Variants in GYS2 observed in about 807,000 individuals in gnomAD.
The protein encoded by GYS2 is glycogen synthase 2.
A neutral mutation model predicts 85.6 loss-of-function variants in GYS2; 80 were observed. The observed-to-expected ratio is 0.93, with a 90% CI of 0.78 to 1.13. GYS2 has a LOEUF of 1.13. Among genes scored for constraint, GYS2 ranks in the 50% most tolerant of loss-of-function variants. The probability of loss-of-function intolerance (pLI) is 0.00; values close to 1 mark genes in which losing one functional copy is unlikely to be tolerated. For missense variants in GYS2, 881 were observed against 854.9 expected (o/e 1.03, Z -0.38); for synonymous variants, 328 against 300.7 (o/e 1.09, Z -0.94).
At chr12:21,573,258 A>G (rs1944406686) in intron 4 of GYS2, among the ~76,000 whole-genome samples, 1 of 152,168 alleles carries the variant, frequency 6.6e-6, no homozygotes, top group Non-Finnish European at 1.5e-5. Context: ...ATTCTATTTT[A>G]TAGAATCCTA....
intron 1 of GYS2, among the ~76,000 whole-genome samples, chr12:21,584,938 T>A (rs1205109075): frequency 1.3e-5 from 2 of 152,222 alleles, no homozygotes; most frequent in African/African-American, 4.8e-5. Flanking sequence ...ATCCCTATCA[T>A]CCTGAAGCAG....
At chr12:21,547,849 G>T (rs1415652955) in intron 11 of GYS2, among the ~76,000 whole-genome samples, 1 of 152,096 alleles carries the variant, frequency 6.6e-6, no homozygotes, top group East Asian at 1.9e-4. Flanking sequence ...GTCTATGCAT[G>T]GGAAGGGCCA....
intron 1 of GYS2, among the ~76,000 whole-genome samples, chr12:21,597,762 A>G (rs1030287513): frequency 2.6e-5 from 4 of 152,192 alleles, no homozygotes; most frequent in Admixed American, 2.0e-4. Context: ...TGTTTATTGC[A>G]GCACGATTCA....
chr12:21,534,597 A>C (rs1432923527), downstream of GYS2, among the ~76,000 whole-genome samples: 1 of 151,954 alleles, frequency 6.6e-6, no homozygotes, highest in Non-Finnish European at 1.5e-5. Flanking sequence ...GGAAAGAAAG[A>C]AAAAAGAGAG....
chr12:21,602,487 A>G (rs1783338587), intron 1 of GYS2, among the ~76,000 whole-genome samples: 1 of 152,086 alleles, frequency 6.6e-6, no homozygotes, highest in African/African-American at 2.4e-5. Flanking sequence ...ATTATTAGGA[A>G]TAAACACAAT....
chr12:21,587,822 C>G (rs1283124660), intron 1 of GYS2, among the ~76,000 whole-genome samples: 1 of 151,870 alleles, frequency 6.6e-6, no homozygotes, highest in East Asian at 1.9e-4. Context: ...AGAAATTGGG[C>G]AAATGGATGT....
chr12:21,546,446 A>G lies in GYS2; in HGVS notation c.1447T>C (p.Ser483Pro), dbSNP rs121918424. Residue 483 changes from serine to proline, a missense_variant, in exon 12 of 16, where the codon TCC becomes CCC. Coordinates refer to ENST00000261195, the MANE Select transcript of GYS2 (RefSeq NM_021957.4). The stretch of plus-strand genomic sequence containing the variant: ...ATGGGTAGTAAGGGACTGGTGGAGG[A>G]TAGAAACTCTGGGTGCAAAATCACC... ...VKVILHPEFL[S>P]STSPLLPMDY... 1 of 1,601,060 alleles carries G rather than the reference A, an allele frequency of 6.2e-7. No individual in the cohort carries two copies. The highest frequency in any genetic ancestry group is 8.5e-7 in the Non-Finnish European group (1 of 1,169,608).
intron 11 of GYS2, among the ~76,000 whole-genome samples, chr12:21,550,062 C>T (rs1944087800): frequency 6.6e-6 from 1 of 152,032 alleles, no homozygotes; most frequent in Non-Finnish European, 1.5e-5. Flanking sequence ...CCAGTGGGAG[C>T]TCCTTCAAGT....
chr12:21,553,445 T>C (rs1944137400), intron 11 of GYS2, among the ~76,000 whole-genome samples: 1 of 152,252 alleles, frequency 6.6e-6, no homozygotes, highest in Non-Finnish European at 1.5e-5. Flanking sequence ...GAATCTTGAC[T>C]GACAGCACCA....
intron 11 of GYS2, among the ~76,000 whole-genome samples, chr12:21,557,966 G>A (rs1158456722): frequency 2.6e-5 from 4 of 152,042 alleles, no homozygotes; most frequent in African/African-American, 7.3e-5. Flanking sequence ...ATTGTACAGT[G>A]GAAATAAATG....
At chr12:21,559,371 C>G (rs1021314924) in intron 9 of GYS2, among the ~76,000 whole-genome samples, 1 of 152,074 alleles carries the variant, frequency 6.6e-6, no homozygotes, top group African/African-American at 2.4e-5. Flanking sequence ...GAATTAAAAT[C>G]TCATGAAGTC....
chr12:21,552,959 T>A (rs1317688685), intron 11 of GYS2, among the ~76,000 whole-genome samples: 3 of 152,212 alleles, frequency 2.0e-5, no homozygotes, highest in African/African-American at 7.2e-5. Context: ...AATAATGAGT[T>A]CCCATCATGT....
intron 1 of GYS2, among the ~76,000 whole-genome samples, chr12:21,601,257 C>G (rs887922932): frequency 2.0e-5 from 3 of 152,068 alleles, no homozygotes; most frequent in African/African-American, 7.2e-5. Flanking sequence ...CCCTCCTCTC[C>G]TCTCCCTCAA....
intron 15 of GYS2, among the ~76,000 whole-genome samples, chr12:21,537,784 C>G (rs1242452112): frequency 6.6e-6 from 1 of 152,034 alleles, no homozygotes; most frequent in Non-Finnish European, 1.5e-5. Context: ...TTAATTTGCC[C>G]TTCTACTTGA....
In GYS2 at chr12:21,580,511, T is replaced by A. The variant is rs780740780; in HGVS notation, c.134A>T (p.Tyr45Phe). The A allele has an allele frequency of 6.2e-7, 1 of 1,612,736 alleles. No individual in the cohort carries two copies. The highest frequency in any genetic ancestry group is 8.5e-7 in the Non-Finnish European group (1 of 1,179,000). ...TTTGGCCTTTGTCTGAATCACAGTA[T>A]AGATGCCTCCAACTGTTAAAAGGAA... is the stretch of plus-strand genomic sequence containing the variant. ...WEVTNKVGGI[Y>F]TVIQTKAKTT... Residue 45 changes from tyrosine (Y) to phenylalanine (F), a missense_variant, in exon 2 of 16, where the codon TAT (tyrosine) becomes TTT (phenylalanine). By Grantham distance (22) the Tyr-to-Phe change is conservative. Transcript: ENST00000261195.
rs1944201636 is a variant in GYS2, at chr12:21,557,867, C to T, written c.1422+333G>A. Reference sequence around the variant, plus strand: ...TGAGCCGAGATAGCGCCACTGCACTCCAGCCTGGGCGACAGAGCGAGACTC... The same window carrying T: ...TGAGCCGAGATAGCGCCACTGCACTTCAGCCTGGGCGACAGAGCGAGACTC... On this transcript the variant is annotated intron_variant, in intron 11 of 15. Transcript: ENST00000261195. Among the ~76,000 whole-genome samples, 4 of 152,034 alleles carry T rather than the reference C, an allele frequency of 2.6e-5. No individual in the cohort carries two copies. In the South Asian group the frequency reaches 8.3e-4, roughly 32 times the overall value.
At chr12:21,585,338 TAAG>T (rs1434956630) in intron 1 of GYS2, among the ~76,000 whole-genome samples, 3 of 152,100 alleles carry the variant, frequency 2.0e-5, no homozygotes, top group Admixed American at 6.5e-5. Context: ...GTCAACAGGC[TAAG>T]AAGAGAGTTA....
At chr12:21,553,016 A>G (rs974096596) in intron 11 of GYS2, among the ~76,000 whole-genome samples, 2 of 152,204 alleles carry the variant, frequency 1.3e-5, no homozygotes, top group Non-Finnish European at 2.9e-5. Context: ...CTTATTATGT[A>G]TTTACTATGT....
chr12:21,580,551 T>C (rs111797912), intron 1 of GYS2, 28 bp from the exon 2 acceptor site: 7 of 1,553,898 alleles, frequency 4.5e-6, no homozygotes, highest in Non-Finnish European at 6.2e-6. Context: ...GTTTCTATTA[T>C]CATTCAGGTT....
Sources: allele counts gnomAD v4.1 joint callset (sites outside exome capture counted in the v4.1 genomes callset), GRCh38; gene constraint gnomAD v4.1.1; transcripts MANE v1.5; gene names NCBI Gene and HGNC (gene_info 2026-07-23, HGNC 2026-07-21).